The following SHANK2 variants were observed in gnomAD, a reference collection of about 807,000 sequenced individuals.
SHANK2 encodes the protein SH3 and multiple ankyrin repeat domains protein 2.
SHANK2 carries 43 observed loss-of-function variants against 133.7 expected under a neutral mutation model. The ratio of observed to expected loss-of-function variants is 0.32; its 90% CI spans 0.25 to 0.41. The LOEUF (loss-of-function observed/expected upper bound fraction) is 0.41, where lower values mean the gene tolerates loss of function less well. Ranked by LOEUF, SHANK2 falls within the 10% of genes least tolerant of loss-of-function variation. The pLI, the probability that SHANK2 is intolerant of heterozygous loss-of-function variation, is 1.00. For missense variants in SHANK2, 1,994 were observed against 2,235.8 expected (o/e 0.89, Z 2.18); for synonymous variants, 1,017 against 952.8 (o/e 1.07, Z -1.24).
intron 11 of SHANK2, among the ~76,000 whole-genome samples, chr11:70,876,662 G>A (rs1204970964): frequency 2.0e-5 from 3 of 151,998 alleles, no homozygotes; most frequent in African/African-American, 2.4e-5. Context: ...ATTCATTAAC[G>A]GGGAAGCTGA....
At chr11:71,080,548 G>A (rs1590889910) in intron 8 of SHANK2, among the ~76,000 whole-genome samples, 1 of 152,094 alleles carries the variant, frequency 6.6e-6, no homozygotes, top group Admixed American at 6.5e-5. Context: ...AGCACAGGTC[G>A]GCTGAGACGA....
intron 11 of SHANK2, among the ~76,000 whole-genome samples, chr11:70,863,046 G>A (rs1177210923): frequency 2.0e-5 from 3 of 152,172 alleles, no homozygotes; most frequent in South Asian, 2.1e-4. Flanking sequence ...CAGGACTTAC[G>A]GAGCAGGGGT....
intron 2 of SHANK2, among the ~76,000 whole-genome samples, chr11:71,184,875 C>A (rs1953639724): frequency 6.6e-6 from 1 of 152,142 alleles, no homozygotes; most frequent in East Asian, 1.9e-4. Context: ...CCAGAGGCCA[C>A]CACTACTACC....
At chr11:71,071,594 G>A (rs1951142537) in intron 9 of SHANK2, among the ~76,000 whole-genome samples, 1 of 152,244 alleles carries the variant, frequency 6.6e-6, no homozygotes, top group East Asian at 1.9e-4. Flanking sequence ...CTATGTGAGG[G>A]AGTCATCAGC....
chr11:70,662,360 C>A (rs1944576021), intron 15 of SHANK2, among the ~76,000 whole-genome samples: 2 of 152,270 alleles, frequency 1.3e-5, no homozygotes, highest in South Asian at 4.1e-4. Context: ...CCACAGTGCG[C>A]CCGGCGGCTG....
At chr11:70,603,943 T>C (rs1167733640) in intron 17 of SHANK2, 4 of 152,656 alleles carry the variant, frequency 2.6e-5, no homozygotes, top group African/African-American at 7.2e-5. Flanking sequence ...GATAAAATTA[T>C]TTATGCAAAT....
rs782746185 is a variant in SHANK2 at position 70,485,472 on chromosome 11, G to T, written c.4821C>A (p.Asp1607Glu). The T allele has an allele frequency of 5.6e-6, 9 of 1,613,760 alleles. No homozygotes were observed. In the East Asian group the frequency reaches 2.0e-4, roughly 36 times the overall value. The change falls in exon 25 of 26, where the codon GAC becomes GAA. Residue 1607 changes from aspartate (D) to glutamate (E), a missense_variant. This residue lies in a region of SHANK2 where 797 missense variants were observed against 907.4 expected (regional missense o/e 0.88). Transcript: ENST00000601538. The surrounding 1 kb of genome is among the most constrained non-coding windows in gnomAD (Gnocchi z 5.8). ...GAATCGGGCTTTTGATCTCTGTGAC[G>T]TCGCCCCACAACTTGGAGGTCCTTG... ...LQPRTSKLWG[D>E]VTEIKSPILS... is the part of the protein sequence containing the mutation.
At chr11:70,878,994 G>A (rs1219091467) in intron 11 of SHANK2, among the ~76,000 whole-genome samples, 1 of 152,162 alleles carries the variant, frequency 6.6e-6, no homozygotes, top group Non-Finnish European at 1.5e-5. Context: ...CCTGGGGAAG[G>A]AAAATGTTTC....
At chr11:71,100,243 A>G (rs1329370363) in intron 6 of SHANK2, among the ~76,000 whole-genome samples, 1 of 152,178 alleles carries the variant, frequency 6.6e-6, no homozygotes, top group African/African-American at 2.4e-5. Context: ...TTACTCCACA[A>G]TCCAGCAACC....
Position 70,473,847 on chromosome 11 carries a change from C to A in SHANK2, c.4980-408G>T. ...TGGAAGGGGTCCCTTGAAGAGGGCA[C>A]GGAGACAGGGACAGAGTGGGGTCCT... On this transcript the variant is annotated intron_variant, in intron 25 of 25. Transcript: ENST00000601538. The surrounding 1 kb of genome is among the most constrained non-coding windows in gnomAD (Gnocchi z 5.9). 3.0e-6 allele frequency: 1 copy of A among 329,580 alleles called. No homozygotes were observed. Among genetic ancestry groups the A allele is most frequent in the Non-Finnish European group, 6.0e-6 (1 of 166,584 alleles). 20.4% of individuals were successfully genotyped at this position (329,580 alleles called of 1,614,324 possible).
intron 15 of SHANK2, among the ~76,000 whole-genome samples, chr11:70,679,576 G>T (rs1555017948): frequency 6.6e-6 from 1 of 152,268 alleles, no homozygotes. Flanking sequence ...ATTCCCCTGT[G>T]CTGGGGAGAA....
At chr11:70,768,398 A>G (rs1269489284) in intron 14 of SHANK2, among the ~76,000 whole-genome samples, 2 of 152,228 alleles carry the variant, frequency 1.3e-5, no homozygotes, top group African/African-American at 4.8e-5. Flanking sequence ...TCTGGCCACA[A>G]GAGTGTCACC....
intron 11 of SHANK2, among the ~76,000 whole-genome samples, chr11:70,867,221 A>G (rs1041511927): frequency 2.0e-4 from 30 of 151,892 alleles, no homozygotes; most frequent in African/African-American, 7.3e-4. Flanking sequence ...TCCTGAGGTC[A>G]GCTGTCTCCT....
chr11:70,943,917 G>A (rs868973889), intron 10 of SHANK2: 1 of 456,336 alleles, frequency 2.2e-6, no homozygotes, highest in Non-Finnish European at 4.4e-6. Flanking sequence ...CATCCGTCTT[G>A]ATTTCCTTCT....
rs541439461 is a variant in SHANK2, at chr11:71,136,353, C to A, written c.207+10767G>T. ...GTCTTTTGCAGCAACAGGGATGGAA[C>A]TGGAGACCATTATCTTACATGAAAG... On this transcript the variant is annotated intron_variant, in intron 3 of 25. Coordinates refer to ENST00000601538, the MANE Select transcript of SHANK2 (RefSeq NM_012309.5). Among the ~76,000 whole-genome samples, 13 of 152,230 alleles carry A rather than the reference C, an allele frequency of 8.5e-5. No homozygotes were observed. The South Asian group carries it at 2.5e-3, about 29-fold the overall frequency.
At chr11:70,546,267 C>A (rs2059695354) in intron 17 of SHANK2, among the ~76,000 whole-genome samples, 1 of 151,938 alleles carries the variant, frequency 6.6e-6, no homozygotes, top group South Asian at 2.1e-4. Context: ...TACTTAGGTA[C>A]AGCTGATTAA....
intron 14 of SHANK2, among the ~76,000 whole-genome samples, chr11:70,717,197 G>C (rs1194381539): frequency 6.6e-6 from 1 of 152,184 alleles, no homozygotes; most frequent in East Asian, 1.9e-4. Context: ...TTTCAATACA[G>C]TTTGTCGGGT....
chr11:70,573,557 G>GGGTGGGGGGGGGGGGGGT (rs2060076908), intron 17 of SHANK2, among the ~76,000 whole-genome samples: 1 of 132,018 alleles, frequency 7.6e-6, no homozygotes, highest in Non-Finnish European at 1.6e-5. Flanking sequence ...GGCGGGGGGG[G>GGGTGGGGGGGGGGGGGGT]GGTGGGGCAT....
chr11:71,220,627 A>G, intron 2 of SHANK2, among the ~76,000 whole-genome samples: 1 of 152,188 alleles, frequency 6.6e-6, no homozygotes, highest in East Asian at 1.9e-4. Context: ...AATACATGCT[A>G]CAATGTGGAT....
Sources: allele counts gnomAD v4.1 joint callset (sites outside exome capture counted in the v4.1 genomes callset), GRCh38; gene constraint gnomAD v4.1.1; regional missense constraint gnomAD v4.1.1; non-coding constraint Gnocchi (gnomAD v3.1); transcripts MANE v1.5; gene names NCBI Gene and HGNC (gene_info 2026-07-23, HGNC 2026-07-21).